NPLOC4: variants seen among roughly 807,000 people sequenced by gnomAD.
NPLOC4 encodes the protein nuclear protein localization protein 4 homolog.
In NPLOC4, 18 loss-of-function variants were observed where a neutral mutation model predicts 80.6. That is an observed-to-expected ratio of 0.22 (90% CI 0.15 to 0.33). The LOEUF is 0.33. NPLOC4 is among the 10% of genes least tolerant of loss of function. The probability of loss-of-function intolerance (pLI) is 1.00; values close to 1 mark genes in which losing one functional copy is unlikely to be tolerated. For synonymous variants in NPLOC4, 313 were observed against 301.5 expected (o/e 1.04, Z -0.39); for missense variants, 540 against 786.1 (o/e 0.69, Z 3.74).
Position 81,601,569 on chromosome 17 carries a change from T to C in NPLOC4, c.835-1142A>G, listed in dbSNP as rs561089694. ...ACCACGGCTGGCCTCAATTATACTT[T>C]TAATAGAACCGTTGAGCTCTCCATG... On this transcript the variant is annotated intron_variant, in intron 8 of 16. Transcript: ENST00000331134. Among the ~76,000 whole-genome samples, 13 of 152,272 alleles carry C rather than the reference T, an allele frequency of 8.5e-5. No individual in the cohort carries two copies. The East Asian group carries it at 9.6e-4, about 11-fold the overall frequency.
intron 15 of NPLOC4, 22 bp from the exon 16 acceptor site, chr17:81,565,629 G>T (rs541153132): frequency 1.8e-5 from 28 of 1,520,832 alleles, no homozygotes; most frequent in Non-Finnish European, 2.4e-5. Context: ...CAAAAGGAAG[G>T]TTCCTCTTCG....
At chr17:81,632,470 G>A (rs1467864638) in intron 1 of NPLOC4, among the ~76,000 whole-genome samples, 1 of 151,700 alleles carries the variant, frequency 6.6e-6, no homozygotes, top group East Asian at 1.9e-4. Flanking sequence ...CTGCCACCAC[G>A]CCTGGCTAAT....
chr17:81,604,598 T>C lies in NPLOC4; in HGVS notation c.784A>G (p.Ile262Val), dbSNP rs1418107614. 1 of 1,613,746 alleles carries C rather than the reference T, an allele frequency of 6.2e-7. No homozygotes were observed. Among genetic ancestry groups the C allele is most frequent in the Non-Finnish European group, 8.5e-7 (1 of 1,179,780 alleles). ...LYGRYTEHKD[I>V]PLGIRAEVAA... ...ACTTCAGCCCTGATGCCAAGGGGAA[T>C]GTCTTTGTGCTCCGTGTACCGTCCG... The change falls in exon 8 of 17, where the codon ATT (isoleucine) becomes GTT (valine). Residue 262 changes from isoleucine to valine, a missense_variant. Transcript: ENST00000331134.
chr17:81,585,158 A>G, intron 12 of NPLOC4, among the ~76,000 whole-genome samples: 1 of 123,084 alleles, frequency 8.1e-6, no homozygotes. Context: ...CGACAGAACG[A>G]GACTCTGTCG....
Position 81,616,160 on chromosome 17 carries a change from T to TA in NPLOC4, c.210-2667dup, listed in dbSNP as rs778399557. ...AGTGAAACCTCGTCTCTGCTAAAAATAAAAAAAAAAATTAGCCGGGGGTGG... is the reference window on the plus strand; with the variant it reads ...AGTGAAACCTCGTCTCTGCTAAAAATAAAAAAAAAAAATTAGCCGGGGGTGG... On this transcript the variant is annotated intron_variant, in intron 3 of 16. Transcript: ENST00000331134. Among the ~76,000 whole-genome samples the TA allele has an allele frequency of 9.1e-3, 1,286 of 141,058 alleles. 10 individuals are homozygous for TA. The highest frequency in any genetic ancestry group is 0.013 in the Non-Finnish European group (838 of 64,408). 92.5% of individuals were successfully genotyped at this position (141,058 alleles called of 152,430 possible). A position where few individuals can be genotyped will look rare whatever the true frequency, so the allele number is the denominator to read the frequency against.
chr17:81,612,315 A>G (rs533069249), intron 4 of NPLOC4, among the ~76,000 whole-genome samples: 1 of 152,222 alleles, frequency 6.6e-6, no homozygotes, highest in African/African-American at 2.4e-5. Flanking sequence ...TGTGCTTCCT[A>G]ATAGGCAGGA....
intron 2 of NPLOC4, among the ~76,000 whole-genome samples, chr17:81,625,887 G>A (rs2035783223): frequency 6.6e-6 from 1 of 152,078 alleles, no homozygotes; most frequent in Non-Finnish European, 1.5e-5. Flanking sequence ...GGAGGTTCAA[G>A]CCTGTAATCC....
At chr17:81,629,662 T>C in intron 2 of NPLOC4, 63 bp downstream of exon 2, 1 of 1,182,214 alleles carries the variant, frequency 8.5e-7, no homozygotes, top group Non-Finnish European at 1.3e-6. Context: ...AGAAAAGGTA[T>C]CGATGGCAGT....
chr17:81,621,743 G>A (rs977762203), intron 3 of NPLOC4, among the ~76,000 whole-genome samples: 2 of 152,168 alleles, frequency 1.3e-5, no homozygotes, highest in Non-Finnish European at 2.9e-5. Context: ...TCTGAGTCCT[G>A]AAGGTCCTGA....
At chr17:81,566,218 G>C (rs3935540) in intron 15 of NPLOC4, among the ~76,000 whole-genome samples, 11,286 of 152,236 alleles carry the variant, frequency 0.074, 531 homozygotes, top group Middle Eastern at 0.17. Context: ...TGTAATCCCA[G>C]CTACTCGGGA....
At chr17:81,566,207 CTGTAA>C in intron 15 of NPLOC4, among the ~76,000 whole-genome samples, 1 of 152,298 alleles carries the variant, frequency 6.6e-6, no homozygotes, top group South Asian at 2.1e-4. Flanking sequence ...TTGCGGGCAC[CTGTAA>C]TCCCAGCTAC....
chr17:81,599,585 A>T (rs1047527339), intron 9 of NPLOC4, among the ~76,000 whole-genome samples: 12 of 152,208 alleles, frequency 7.9e-5, no homozygotes, highest in Admixed American at 7.9e-4. Context: ...ATCTGTAGAG[A>T]AGATTAAATA....
chr17:81,575,669 C>T (rs576517986), intron 12 of NPLOC4, among the ~76,000 whole-genome samples: 5 of 152,180 alleles, frequency 3.3e-5, no homozygotes, highest in African/African-American at 9.7e-5. Context: ...GCAGGCTCCC[C>T]GCCTCCCAAG....
At chr17:81,629,854 G>T in intron 1 of NPLOC4, 49 bp from the exon 2 acceptor site, 1 of 1,338,828 alleles carries the variant, frequency 7.5e-7, no homozygotes, top group South Asian at 1.2e-5. Context: ...GTGAGGTCCT[G>T]ATCTAATACT....
chr17:81,626,257 A>C (rs1200138645), intron 2 of NPLOC4, among the ~76,000 whole-genome samples: 1 of 151,906 alleles, frequency 6.6e-6, no homozygotes, highest in East Asian at 1.9e-4. Context: ...CGGAGGTTGC[A>C]GTCAGCCAAG....
chr17:81,567,312 G>T lies in NPLOC4; in HGVS notation c.1566+105C>A. ...ACCTGTGACCCCGAGCTTTGACCCA[G>T]TTTCCCAATCATGCTCTGGTCTGGG... On this transcript the variant is annotated intron_variant, in intron 15 of 16. Coordinates refer to ENST00000331134, the MANE Select transcript of NPLOC4 (RefSeq NM_017921.4). The surrounding 1 kb of genome is among the most constrained non-coding windows in gnomAD (Gnocchi z 4.5). The T allele has an allele frequency of 1.4e-6, 1 of 714,412 alleles. No homozygotes were observed. The highest frequency in any genetic ancestry group is 2.5e-6 in the Non-Finnish European group (1 of 407,434). 44.3% of individuals were successfully genotyped at this position (714,412 alleles called of 1,614,324 possible). A position where few individuals can be genotyped will look rare whatever the true frequency, so the allele number is the denominator to read the frequency against.
At chr17:81,597,902 G>A (rs1029405804) in intron 9 of NPLOC4, among the ~76,000 whole-genome samples, 2 of 151,568 alleles carry the variant, frequency 1.3e-5, no homozygotes, top group Non-Finnish European at 2.9e-5. Flanking sequence ...AGACCATCCT[G>A]GCTAACATGG....
chr17:81,617,807 C>T (rs1320403069), intron 3 of NPLOC4, among the ~76,000 whole-genome samples: 9 of 152,088 alleles, frequency 5.9e-5, no homozygotes, highest in Admixed American at 2.6e-4. Flanking sequence ...TGCAGGCGCG[C>T]GCCGCCACGC....
chr17:81,603,621 A>AT (rs2035124404), intron 8 of NPLOC4, among the ~76,000 whole-genome samples: 1 of 152,100 alleles, frequency 6.6e-6, no homozygotes, highest in African/African-American at 2.4e-5. Flanking sequence ...AAAAATTAAA[A>AT]ATTTCTAACA....
Sources: allele counts gnomAD v4.1 joint callset (sites outside exome capture counted in the v4.1 genomes callset), GRCh38; gene constraint gnomAD v4.1.1; non-coding constraint Gnocchi (gnomAD v3.1); transcripts MANE v1.5; gene names NCBI Gene and HGNC (gene_info 2026-07-23, HGNC 2026-07-21).